The following KAZN variants were observed in gnomAD, a reference collection of about 807,000 sequenced individuals.
The protein encoded by KAZN is kazrin, periplakin interacting protein.
In KAZN, 40 loss-of-function variants were observed where a neutral mutation model predicts 87.4. The observed-to-expected ratio is 0.46, with a 90% CI of 0.36 to 0.60. The LOEUF is 0.60. Ranked by LOEUF, KAZN falls within the 20% of genes least tolerant of loss-of-function variation. KAZN has a pLI of 0.00. For synonymous variants in KAZN, 466 were observed against 458.3 expected, an observed-to-expected ratio of 1.02 and a Z score of -0.22; for missense variants, 898 against 1,073.9, an observed-to-expected ratio of 0.84 and a Z score of 2.29.
intron 2 of KAZN, among the ~76,000 whole-genome samples, chr1:14,530,269 T>G (rs1025813499): frequency 2.0e-5 from 3 of 152,070 alleles, no homozygotes; most frequent in Admixed American, 1.3e-4. Flanking sequence ...CAGACTGAGC[T>G]CACCCCAAAG....
chr1:14,899,195 C>T (rs947150226), intron 1 of KAZN, among the ~76,000 whole-genome samples: 9 of 152,284 alleles, frequency 5.9e-5, no homozygotes, highest in African/African-American at 1.2e-4. Context: ...TGGAATGTTC[C>T]GCTAAGTCAA....
chr1:14,681,645 A>G (rs1393732374), intron 1 of KAZN, among the ~76,000 whole-genome samples: 2 of 10,290 alleles, frequency 1.9e-4, no homozygotes, highest in African/African-American at 2.9e-4. Flanking sequence ...ATATATATAT[A>G]TATATATATA....
chr1:14,530,353 A>G (rs891623774), intron 2 of KAZN, among the ~76,000 whole-genome samples: 8 of 152,216 alleles, frequency 5.3e-5, no homozygotes, highest in South Asian at 2.1e-4. Flanking sequence ...CTCTGCCATC[A>G]GTGGACTGCA....
intron 2 of KAZN, among the ~76,000 whole-genome samples, chr1:14,538,661 A>G (rs1364278325): frequency 6.6e-6 from 1 of 152,236 alleles, no homozygotes; most frequent in Non-Finnish European, 1.5e-5. Context: ...CACGTAAATT[A>G]TGGAGAAGAC....
At chr1:14,099,253 TG>T (rs377254339) in intron 1 of KAZN, among the ~76,000 whole-genome samples, 7 of 152,116 alleles carry the variant, frequency 4.6e-5, no homozygotes, top group African/African-American at 1.7e-4. Context: ...AGGGACAGGG[TG>T]GGGGAAGAAT....
At chr1:14,320,454 T>A (rs1465445598) in intron 2 of KAZN, among the ~76,000 whole-genome samples, 1 of 152,148 alleles carries the variant, frequency 6.6e-6, no homozygotes, top group Non-Finnish European at 1.5e-5. Context: ...GTTAGGCTTA[T>A]CTCTAACTGC....
At chr1:14,952,274 G>GTGTC (rs771925623) in intron 1 of KAZN, among the ~76,000 whole-genome samples, 1 of 147,724 alleles carries the variant, frequency 6.8e-6, no homozygotes, top group Middle Eastern at 3.5e-3. Context: ...GTGTGTGTGT[G>GTGTC]TGTCTCAAGC....
At chr1:14,397,686 A>C (rs887434755) in intron 2 of KAZN, among the ~76,000 whole-genome samples, 2 of 151,698 alleles carry the variant, frequency 1.3e-5, no homozygotes, top group Non-Finnish European at 2.9e-5. Flanking sequence ...GTGAAACCCC[A>C]TCTCTACTAA....
intron 1 of KAZN, among the ~76,000 whole-genome samples, chr1:13,957,058 G>A (rs144187655): frequency 6.6e-6 from 1 of 152,236 alleles, no homozygotes; most frequent in African/African-American, 2.4e-5. Context: ...GCCTTGTAGG[G>A]AAGCTCCAGC....
At chr1:14,004,786 G>A (rs1639965004) in intron 1 of KAZN, among the ~76,000 whole-genome samples, 1 of 152,168 alleles carries the variant, frequency 6.6e-6, no homozygotes, top group Admixed American at 6.5e-5. Context: ...GAGAGATGGG[G>A]CCTTTAGGAG....
chr1:14,554,332 C>T (rs1015562708), intron 2 of KAZN, among the ~76,000 whole-genome samples: 4 of 152,178 alleles, frequency 2.6e-5, no homozygotes, highest in African/African-American at 9.7e-5. Flanking sequence ...AACTGCACCC[C>T]TGTATCACCC....
chr1:14,147,855 C>T (rs1427666359), intron 1 of KAZN, among the ~76,000 whole-genome samples: 1 of 151,500 alleles, frequency 6.6e-6, no homozygotes, highest in East Asian at 2.0e-4. Flanking sequence ...TAAAGTGGTG[C>T]CTGGTACATA....
At chr1:13,962,281 A>G (rs2101027303) in intron 1 of KAZN, among the ~76,000 whole-genome samples, 1 of 152,224 alleles carries the variant, frequency 6.6e-6, no homozygotes, top group East Asian at 1.9e-4. Flanking sequence ...AGGTGAGGCC[A>G]GAGAGTTGGG....
chr1:15,043,633 CTTTTTTTTTTTTT>C (rs71000361), intron 3 of KAZN, among the ~76,000 whole-genome samples: 1 of 72,574 alleles, frequency 1.4e-5, no homozygotes, highest in East Asian at 4.4e-4. Context: ...CTCCCCACTT[CTTTTTTTTTTTTT>C]TTTTTTTTTT....
chr1:15,021,755 C>G lies in KAZN; in HGVS notation c.419-12994C>G, dbSNP rs1443583576. Among the ~76,000 whole-genome samples, 2 of 152,152 alleles carry G rather than the reference C, an allele frequency of 1.3e-5. No homozygotes were observed. The highest frequency in any genetic ancestry group is 2.9e-5 in the Non-Finnish European group (2 of 68,014). ...GACACTCTGTCTGCAGGTTTCGGTC[C>G]CCTCCCTGGGACCGGCCTAGCTGTT... On this transcript the variant is annotated intron_variant, in intron 2 of 14. Coordinates refer to ENST00000376030, the MANE Select transcript of KAZN (RefSeq NM_201628.3). The surrounding 1 kb of genome is among the most constrained non-coding windows in gnomAD (Gnocchi z 4.2).
chr1:14,867,197 C>G (rs1198079169), intron 1 of KAZN, among the ~76,000 whole-genome samples: 1 of 152,204 alleles, frequency 6.6e-6, no homozygotes, highest in African/African-American at 2.4e-5. Context: ...ATCAATGGAG[C>G]GTGGAGGCCT....
chr1:13,956,585 G>A (rs182227060), intron 1 of KAZN, among the ~76,000 whole-genome samples: 28 of 152,088 alleles, frequency 1.8e-4, no homozygotes, highest in South Asian at 1.5e-3. Flanking sequence ...CAGGAATCTC[G>A]TGACTAAGTT....
chr1:14,521,097 A>T (rs1476765723), intron 2 of KAZN, among the ~76,000 whole-genome samples: 1 of 152,170 alleles, frequency 6.6e-6, no homozygotes, highest in Non-Finnish European at 1.5e-5. Context: ...TGAGTAATGG[A>T]TGTCCTATGT....
intron 2 of KAZN, among the ~76,000 whole-genome samples, chr1:14,502,596 C>A (rs1237893412): frequency 1.3e-5 from 2 of 152,076 alleles, no homozygotes; most frequent in Non-Finnish European, 2.9e-5. Flanking sequence ...TATCTTCTGG[C>A]AAACGGTCAG....
Sources: gnomAD v4.1 joint callset for allele counts (sites outside exome capture counted in the v4.1 genomes callset) on GRCh38, gnomAD v4.1.1 for gene constraint, Gnocchi (gnomAD v3.1) non-coding constraint, MANE v1.5 for transcripts, NCBI Gene and HGNC (gene_info 2026-07-23, HGNC 2026-07-21) for gene names.